AP3S2: variants seen among roughly 807,000 people sequenced by gnomAD.
The protein encoded by AP3S2 is adaptor related protein complex 3 subunit sigma 2, also known as AP-3 complex subunit sigma-2.
Under a neutral mutation model 23.4 loss-of-function variants are expected in AP3S2, and 22 were observed. That is an observed-to-expected ratio of 0.94 (90% CI 0.67 to 1.34). AP3S2 has a LOEUF of 1.34. AP3S2 is among the 40% of genes most tolerant of loss of function. The pLI is 0.00. For synonymous variants in AP3S2, 86 were observed against 87.1 expected (o/e 0.99, Z 0.07); for missense variants, 241 against 236.9 (o/e 1.02, Z -0.11).
intron 4 of AP3S2, among the ~76,000 whole-genome samples, chr15:89,866,973 C>T (rs1236263147): frequency 6.7e-6 from 1 of 149,076 alleles, no homozygotes; most frequent in Non-Finnish European, 1.5e-5. Flanking sequence ...GAAAACTCCC[C>T]CTTTTCCCCT....
chr15:89,844,255 C>A (rs1481590308), intron 4 of AP3S2, among the ~76,000 whole-genome samples: 2 of 36,276 alleles, frequency 5.5e-5, no homozygotes, highest in Admixed American at 5.0e-4. Flanking sequence ...TTCTTTCTTT[C>A]TTTCTTTCTT....
chr15:89,863,745 A>C (rs1035359854), intron 4 of AP3S2, among the ~76,000 whole-genome samples: 26 of 152,212 alleles, frequency 1.7e-4, no homozygotes, highest in African/African-American at 5.3e-4. Flanking sequence ...CTATCTAATG[A>C]AGATCTTAAA....
chr15:89,885,218 A>G (rs575825168), intron 3 of AP3S2, among the ~76,000 whole-genome samples: 53 of 150,684 alleles, frequency 3.5e-4, no homozygotes, highest in Non-Finnish European at 6.9e-4. Flanking sequence ...TTTTTGAGAT[A>G]GAGTCTCGCT....
intron 4 of AP3S2, chr15:89,845,447 T>C (rs1037021433): frequency 4.6e-5 from 7 of 152,246 alleles, no homozygotes; most frequent in Admixed American, 6.5e-5. Context: ...ATGGCTAACA[T>C]TTCTCTGATT....
At chr15:89,891,998 ACAAT>A (rs1163521352) in intron 1 of AP3S2, among the ~76,000 whole-genome samples, 1 of 152,222 alleles carries the variant, frequency 6.6e-6, no homozygotes, top group Non-Finnish European at 1.5e-5. Context: ...TTATAAATTG[ACAAT>A]CAAAATATGG....
chr15:89,856,629 G>A (rs899319447), intron 4 of AP3S2, among the ~76,000 whole-genome samples: 87 of 151,020 alleles, frequency 5.8e-4, no homozygotes, highest in African/African-American at 2.1e-3. Context: ...TTGAATCCAG[G>A]AGGCAGAGAT....
chr15:89,873,508 T>C (rs7163629), intron 3 of AP3S2, among the ~76,000 whole-genome samples: 108,553 of 151,956 alleles, frequency 0.71, 38,984 homozygotes, highest in East Asian at 0.8. Context: ...TGATATCCAA[T>C]TCCTGACCTT....
chr15:89,891,582 C>G (rs1172844770), intron 1 of AP3S2, among the ~76,000 whole-genome samples: 1 of 151,388 alleles, frequency 6.6e-6, no homozygotes, highest in Non-Finnish European at 1.5e-5. Context: ...TCACTTGAAC[C>G]CGGGAGGCAG....
intron 3 of AP3S2, among the ~76,000 whole-genome samples, chr15:89,873,548 G>T (rs532403531): frequency 1.2e-4 from 19 of 152,148 alleles, no homozygotes; most frequent in Non-Finnish European, 2.5e-4. Context: ...GCCTACCAAA[G>T]TGCTGGGGTT....
At chr15:89,843,173 G>T (rs1249133388) in intron 4 of AP3S2, among the ~76,000 whole-genome samples, 1 of 150,628 alleles carries the variant, frequency 6.6e-6, no homozygotes, top group African/African-American at 2.4e-5. Flanking sequence ...TCGTAGAGAT[G>T]GGGTTTCTCC....
chr15:89,836,525 G>A (rs1319739660), intron 5 of AP3S2, among the ~76,000 whole-genome samples: 2 of 152,084 alleles, frequency 1.3e-5, no homozygotes, highest in East Asian at 1.9e-4. Flanking sequence ...GAAGGTGGGG[G>A]GTATCACAGA....
rs143675627 is a variant in AP3S2 at position 89,879,646 on chromosome 15, C to T, written c.274-8100G>A. Among the ~76,000 whole-genome samples, 407 of 152,234 alleles carry T rather than the reference C, an allele frequency of 2.7e-3. 2 individuals are homozygous for T. The highest frequency in any genetic ancestry group is 3.7e-3 in the Admixed American group (57 of 15,290). ...TATTTTTTGGGGTCTCACTTTGTCA[C>T]CCAGCCTGGAGTGCAGTGGCACAAT... On this transcript the variant is annotated intron_variant, in intron 3 of 5. Coordinates refer to ENST00000336418, the MANE Select transcript of AP3S2 (RefSeq NM_005829.5).
intron 4 of AP3S2, among the ~76,000 whole-genome samples, chr15:89,868,126 C>T (rs1325921314): frequency 1.0e-5 from 1 of 100,328 alleles, no homozygotes; most frequent in Non-Finnish European, 2.2e-5. Context: ...GGGGGGTCAG[C>T]CCCCCCACCC....
intron 4 of AP3S2, among the ~76,000 whole-genome samples, chr15:89,842,121 C>T (rs1369903530): frequency 6.7e-6 from 1 of 150,128 alleles, no homozygotes; most frequent in Non-Finnish European, 1.5e-5. Context: ...AATACTGTTA[C>T]AGAAATGAAG....
chr15:89,865,230 A>G (rs1328031697), intron 4 of AP3S2, among the ~76,000 whole-genome samples: 1 of 150,196 alleles, frequency 6.7e-6, no homozygotes, highest in African/African-American at 2.4e-5. Context: ...CCACAAATGG[A>G]ATATATATAT....
intron 4 of AP3S2, chr15:89,865,336 G>C (rs1226910422): frequency 6.6e-6 from 1 of 152,076 alleles, no homozygotes; most frequent in Non-Finnish European, 1.5e-5. Context: ...GCTAAAGCAA[G>C]TCACATGGCT....
intron 3 of AP3S2, among the ~76,000 whole-genome samples, chr15:89,879,968 T>G (rs919833879): frequency 2.6e-5 from 4 of 151,406 alleles, no homozygotes; most frequent in African/African-American, 7.3e-5. Context: ...TTCATTTTTT[T>G]TTTTTTTTTG....
At chr15:89,863,342 G>A (rs1435960620) in intron 4 of AP3S2, among the ~76,000 whole-genome samples, 1 of 152,142 alleles carries the variant, frequency 6.6e-6, no homozygotes, top group African/African-American at 2.4e-5. Flanking sequence ...TACAGTTAGT[G>A]GGGCAGTAGA....
At chr15:89,840,897 A>G (rs1389261628) in intron 4 of AP3S2, among the ~76,000 whole-genome samples, 1 of 151,436 alleles carries the variant, frequency 6.6e-6, no homozygotes, top group Non-Finnish European at 1.5e-5. Context: ...CTTCCACTCT[A>G]TTCATCCCTG....
Sources: gnomAD v4.1 joint callset for allele counts (sites outside exome capture counted in the v4.1 genomes callset) on GRCh38, gnomAD v4.1.1 for gene constraint, MANE v1.5 for transcripts, NCBI Gene and HGNC (gene_info 2026-07-23, HGNC 2026-07-21) for gene names.